The following UGGT2 variants were observed in gnomAD, a reference collection of about 807,000 sequenced individuals.
UGGT2 encodes UDP-glucose:glycoprotein glucosyltransferase 2.
Under a neutral mutation model 192.1 loss-of-function variants are expected in UGGT2, and 180 were observed. The ratio of observed to expected loss-of-function variants is 0.94; its 90% CI spans 0.83 to 1.06. The LOEUF is 1.06. UGGT2 is among the 50% of genes least tolerant of loss of function. The pLI is 0.00. For missense variants in UGGT2, 1,849 were observed against 1,795.7 expected (o/e 1.03, Z -0.54); for synonymous variants, 580 against 591.0 (o/e 0.98, Z 0.27).
rs60107631 is a variant in UGGT2 at position 95,993,345 on chromosome 13, T to C, written c.830+2718A>G. Among the ~76,000 whole-genome samples, 987 of 152,210 alleles carry C rather than the reference T, an allele frequency of 6.5e-3. 10 individuals are homozygous for C. Among genetic ancestry groups the C allele is most frequent in the African/African-American group, 0.023 (947 of 41,518 alleles). ...CCCCTAACCTCAGCATCACAAAATA[T>C]ATCCATGTAACAAACCTGCACGTGT... On this transcript the variant is annotated intron_variant, in intron 7 of 38. Coordinates refer to ENST00000376747, the MANE Select transcript of UGGT2 (RefSeq NM_020121.4).
chr13:95,846,978 G>C (rs541743496), intron 36 of UGGT2, among the ~76,000 whole-genome samples: 13 of 149,198 alleles, frequency 8.7e-5, no homozygotes, highest in African/African-American at 2.9e-4. Context: ...GAGGTTCATC[G>C]GTTTTGTTGA....
chr13:95,835,128 T>C (rs1887147281), intron 37 of UGGT2, among the ~76,000 whole-genome samples: 1 of 152,226 alleles, frequency 6.6e-6, no homozygotes, highest in South Asian at 2.1e-4. Context: ...GTGTACTTTA[T>C]ACCTTACAGC....
At chr13:95,994,724 T>C (rs1430518417) in intron 7 of UGGT2, among the ~76,000 whole-genome samples, 1 of 152,016 alleles carries the variant, frequency 6.6e-6, no homozygotes, top group Non-Finnish European at 1.5e-5. Flanking sequence ...AAAGTACTAC[T>C]TTCGAATATG....
At chr13:95,852,621 GATGA>G (rs2140029170) in intron 36 of UGGT2, among the ~76,000 whole-genome samples, 1 of 152,316 alleles carries the variant, frequency 6.6e-6, no homozygotes, top group South Asian at 2.1e-4. Context: ...GTATTCAACA[GATGA>G]ATGAATGAAC....
intron 20 of UGGT2, among the ~76,000 whole-genome samples, chr13:95,914,957 CA>C (rs1180691440): frequency 6.6e-5 from 10 of 152,254 alleles, no homozygotes; most frequent in African/African-American, 2.4e-4. Flanking sequence ...TGTAAAGTGA[CA>C]TGCAAAATAT....
At chr13:95,874,745 G>A (rs1367302349) in intron 29 of UGGT2, among the ~76,000 whole-genome samples, 1 of 151,798 alleles carries the variant, frequency 6.6e-6, no homozygotes, top group African/African-American at 2.4e-5. Context: ...AGCCTGGAGT[G>A]CAGTGGCATG....
intron 31 of UGGT2, among the ~76,000 whole-genome samples, chr13:95,862,030 T>C (rs1358415472): frequency 6.6e-6 from 1 of 152,160 alleles, no homozygotes; most frequent in Non-Finnish European, 1.5e-5. Flanking sequence ...CTTCTAACTT[T>C]AATGGAAGCT....
At chr13:95,901,419 T>TA (rs992119303) in intron 21 of UGGT2, among the ~76,000 whole-genome samples, 6 of 151,922 alleles carry the variant, frequency 3.9e-5, no homozygotes, top group African/African-American at 1.5e-4. Context: ...TTGGTCAAAG[T>TA]AAAAAAATAT....
chr13:95,929,111 G>A (rs1374854205), intron 17 of UGGT2, among the ~76,000 whole-genome samples: 2 of 152,126 alleles, frequency 1.3e-5, no homozygotes, highest in Non-Finnish European at 2.9e-5. Context: ...GGAGAATCAG[G>A]CAGGGAGGTT....
chr13:96,032,590 A>G (rs1490322221), intron 1 of UGGT2, among the ~76,000 whole-genome samples: 1 of 152,234 alleles, frequency 6.6e-6, no homozygotes, highest in Non-Finnish European at 1.5e-5. Context: ...AAATAATGAA[A>G]TAAATGAAAG....
intron 32 of UGGT2, 191 bp from the exon 33 acceptor site, chr13:95,859,866 T>C (rs1191572954): frequency 2.3e-6 from 1 of 430,494 alleles, no homozygotes; most frequent in East Asian, 3.8e-5. Context: ...ATTGAAGGTA[T>C]GAATTAGAAG....
chr13:95,833,719 G>A (rs1405030347), intron 37 of UGGT2, among the ~76,000 whole-genome samples: 1 of 152,172 alleles, frequency 6.6e-6, no homozygotes, highest in Admixed American at 6.5e-5. Flanking sequence ...TTGGACGTGA[G>A]CTGTAAGTAA....
At chr13:96,048,461 G>A (rs1172605969) in intron 1 of UGGT2, among the ~76,000 whole-genome samples, 2 of 152,134 alleles carry the variant, frequency 1.3e-5, no homozygotes, top group African/African-American at 2.4e-5. Flanking sequence ...AAAGCTAGCA[G>A]AAGGCAAGAA....
intron 12 of UGGT2, among the ~76,000 whole-genome samples, chr13:95,967,552 C>T (rs2050627161): frequency 6.7e-6 from 1 of 148,388 alleles, no homozygotes; most frequent in Admixed American, 6.8e-5. Context: ...TGGCTCACTG[C>T]AACCTCCACC....
intron 10 of UGGT2, among the ~76,000 whole-genome samples, 163 bp from the exon 11 acceptor site, chr13:95,972,834 G>C (rs1262469476): frequency 6.6e-6 from 1 of 152,200 alleles, no homozygotes; most frequent in African/African-American, 2.4e-5. Context: ...TGTATCTTTA[G>C]ATACTATGTA....
rs765992614 is a variant in UGGT2, at chr13:95,996,067, G to C, written c.826C>G (p.Leu276Val). The C allele has an allele frequency of 1.2e-6, 2 of 1,612,786 alleles. No homozygotes were observed. The highest frequency in any genetic ancestry group is 8.5e-7 in the Non-Finnish European group (1 of 1,179,124). ...NEVQGFLFGK[L>V]KEIYSDLRDN... ...TTCATTTCCATTCAGACTTACTTTA[G>C]TTTCCCAAAGAGAAATCCTTGAACT... The change falls in exon 7 of 39, where the codon CTA becomes GTA. Residue 276 changes from leucine to valine, a missense_variant. Leu to Val is a conservative substitution (Grantham distance 32). Transcript: ENST00000376747.
Position 95,927,297 on chromosome 13 carries a change from T to C in UGGT2, c.2017A>G (p.Met673Val), listed in dbSNP as rs1566708430. The C allele has an allele frequency of 6.2e-7, 1 of 1,610,086 alleles. No individual in the cohort carries two copies. The highest frequency in any genetic ancestry group is 8.5e-7 in the Non-Finnish European group (1 of 1,178,976). ...CGGGGTACAACATTATTCCTATCCA[T>C]TAGAAAATCAATTGCATTCGTGCGA... ...NDRTNAIDFL[M>V]DRNNVVPRIN... Residue 673 changes from methionine to valine, a missense_variant, in exon 18 of 39, where the codon ATG (methionine) becomes GTG (valine). Met to Val is a conservative substitution (Grantham distance 21). Coordinates refer to ENST00000376747, the MANE Select transcript of UGGT2 (RefSeq NM_020121.4).
rs532020857 is a variant in UGGT2, at chr13:95,811,911, GA to G, written c.4529-10100del. On this transcript the variant is annotated intron_variant, in intron 38 of 38. Transcript: ENST00000376747. ...TACTGGAGATAAAACGGAATTTGAA[GA>G]AAAAAACCCAAAACAAGGCAGAAAA... 5.3e-5 allele frequency among the ~76,000 whole-genome samples: 8 copies of G among 151,248 alleles called. No individual in the cohort carries two copies. The South Asian group carries it at 8.4e-4, about 16-fold the overall frequency.
chr13:95,982,649 G>C (rs1002257307), intron 10 of UGGT2, among the ~76,000 whole-genome samples: 2 of 151,948 alleles, frequency 1.3e-5, no homozygotes, highest in African/African-American at 4.8e-5. Flanking sequence ...TCTCTCATAA[G>C]AGAGAGAGAG....
Sources: gnomAD v4.1 joint callset for allele counts (sites outside exome capture counted in the v4.1 genomes callset) on GRCh38, gnomAD v4.1.1 for gene constraint, MANE v1.5 for transcripts, NCBI Gene and HGNC (gene_info 2026-07-23, HGNC 2026-07-21) for gene names.